FOXP1: variants seen among roughly 807,000 people sequenced by gnomAD.
The protein encoded by FOXP1 is forkhead box protein P1.
Under a neutral mutation model 98.2 loss-of-function variants are expected in FOXP1, and 15 were observed. The ratio of observed to expected loss-of-function variants is 0.15; its 90% confidence interval spans 0.10 to 0.24. The LOEUF (loss-of-function observed/expected upper bound fraction) is 0.24, where lower values mean the gene tolerates loss of function less well. FOXP1 is among the 10% of genes least tolerant of loss of function. The pLI is 1.00. For missense variants in FOXP1, 633 were observed against 848.5 expected (o/e 0.75, Z 3.15); for synonymous variants, 371 against 314.5 (o/e 1.18, Z -1.90).
At chr3:71,120,634 A>G (rs1239372138) in intron 6 of FOXP1, among the ~76,000 whole-genome samples, 1 of 152,210 alleles carries the variant, frequency 6.6e-6, no homozygotes, top group Non-Finnish European at 1.5e-5. Context: ...CTCTTTGGTC[A>G]TCATTGTCCT....
Position 70,966,940 on chromosome 3 carries a change from T to G in FOXP1, c.1723-884A>C, listed in dbSNP as rs545725839. 2.8e-4 allele frequency among the ~76,000 whole-genome samples: 43 copies of G among 152,342 alleles called. No individual in the cohort carries two copies. The South Asian group carries it at 8.7e-3, about 31-fold the overall frequency. On this transcript the variant is annotated intron_variant, in intron 19 of 20. Coordinates refer to ENST00000649528, the MANE Select transcript of FOXP1 (RefSeq NM_001349338.3). Reference sequence around the variant, plus strand: ...TGCAGACGCTAGTTACATATACCACTGGACTAAGTAAGGTACCCAAAAATT... The same window carrying G: ...TGCAGACGCTAGTTACATATACCACGGGACTAAGTAAGGTACCCAAAAATT...
chr3:71,192,205 A>G (rs1051152679), intron 6 of FOXP1, among the ~76,000 whole-genome samples: 4 of 152,208 alleles, frequency 2.6e-5, no homozygotes, highest in Admixed American at 1.3e-4. Flanking sequence ...AATTGAGGGC[A>G]TTTCTAACAA....
chr3:71,381,373 C>T (rs1448957574), intron 3 of FOXP1, among the ~76,000 whole-genome samples: 2 of 150,718 alleles, frequency 1.3e-5, no homozygotes, highest in Non-Finnish European at 3.0e-5. Context: ...CTCCTGACCT[C>T]GTGATCCGCC....
At chr3:71,442,889 T>TA (rs1291833555) in intron 3 of FOXP1, among the ~76,000 whole-genome samples, 1 of 152,124 alleles carries the variant, frequency 6.6e-6, no homozygotes, top group Non-Finnish European at 1.5e-5. Flanking sequence ...TTTTTTTATT[T>TA]TTTTTTTATT....
intron 2 of FOXP1, among the ~76,000 whole-genome samples, chr3:71,556,576 CAAAAAAAAAA>C (rs757217111): frequency 2.3e-4 from 7 of 29,818 alleles, no homozygotes; most frequent in Non-Finnish European, 3.7e-4. Context: ...GACTCCGTCT[CAAAAAAAAAA>C]AAAAAAAAAA....
intron 3 of FOXP1, among the ~76,000 whole-genome samples, chr3:71,445,689 CTTTT>C (rs112723777): frequency 1.8e-4 from 26 of 142,220 alleles, no homozygotes; most frequent in Non-Finnish European, 1.8e-4. Flanking sequence ...ATATTTATAC[CTTTT>C]TTTTTTTTTT....
chr3:71,378,196 C>T (rs1310430047), intron 3 of FOXP1, among the ~76,000 whole-genome samples: 1 of 17,492 alleles, frequency 5.7e-5, no homozygotes, highest in Non-Finnish European at 6.8e-4. Flanking sequence ...TTTTCTGGGT[C>T]GCTAGCTTCT....
chr3:71,307,997 C>T (rs908086682), intron 4 of FOXP1, among the ~76,000 whole-genome samples: 1 of 152,154 alleles, frequency 6.6e-6, no homozygotes, highest in East Asian at 1.9e-4. Context: ...GAAAGAGCGC[C>T]GGATTCGGGA....
chr3:71,551,747 A>G (rs1308712465), intron 2 of FOXP1, among the ~76,000 whole-genome samples: 1 of 152,230 alleles, frequency 6.6e-6, no homozygotes, highest in Non-Finnish European at 1.5e-5. Context: ...CTGTGATACA[A>G]CAAAACTGCC....
intron 2 of FOXP1, among the ~76,000 whole-genome samples, chr3:71,575,287 G>GAT (rs1426072757): frequency 6.6e-6 from 1 of 152,192 alleles, no homozygotes; most frequent in African/African-American, 2.4e-5. Flanking sequence ...TCCAAGTGAA[G>GAT]ATAGAGATTT....
chr3:71,561,826 TAGG>T (rs1164850411), intron 2 of FOXP1, among the ~76,000 whole-genome samples: 1 of 152,232 alleles, frequency 6.6e-6, no homozygotes, highest in Non-Finnish European at 1.5e-5. Context: ...TCCACTAACT[TAGG>T]AAATTCCAAA....
intron 2 of FOXP1, among the ~76,000 whole-genome samples, chr3:71,519,066 T>C (rs568393717): frequency 6.6e-6 from 1 of 152,258 alleles, no homozygotes; most frequent in South Asian, 2.1e-4. Context: ...GCCAACACGG[T>C]GAAACCCCAT....
At chr3:71,514,199 C>T (rs1298174203) in intron 2 of FOXP1, among the ~76,000 whole-genome samples, 2 of 152,206 alleles carry the variant, frequency 1.3e-5, no homozygotes, top group Non-Finnish European at 2.9e-5. Context: ...TTTGATTATG[C>T]ATGACTTGCC....
chr3:70,974,665 G>C (rs2037116653), intron 17 of FOXP1, among the ~76,000 whole-genome samples: 1 of 152,198 alleles, frequency 6.6e-6, no homozygotes, highest in African/African-American at 2.4e-5. Flanking sequence ...ACAAAATTGA[G>C]GTGGTATAAA....
At chr3:71,273,046 C>T (rs116568703) in intron 5 of FOXP1, among the ~76,000 whole-genome samples, 106 of 152,272 alleles carry the variant, frequency 7.0e-4, no homozygotes, top group African/African-American at 2.5e-3. Flanking sequence ...CTCGTGTGTG[C>T]GCATCCATCT....
At chr3:71,129,102 T>C (rs944063697) in intron 6 of FOXP1, among the ~76,000 whole-genome samples, 6 of 152,088 alleles carry the variant, frequency 3.9e-5, no homozygotes, top group African/African-American at 1.2e-4. Flanking sequence ...GCTGGGAAAT[T>C]TGATGGTCAT....
intron 17 of FOXP1, among the ~76,000 whole-genome samples, chr3:70,974,951 G>A (rs1457159245): frequency 6.6e-6 from 1 of 152,130 alleles, no homozygotes; most frequent in Admixed American, 6.5e-5. Context: ...AGAAAGCGAC[G>A]AGAAGTCAAG....
At chr3:71,239,742 C>G (rs193048328) in intron 5 of FOXP1, among the ~76,000 whole-genome samples, 60 of 152,314 alleles carry the variant, frequency 3.9e-4, no homozygotes, top group Non-Finnish European at 5.9e-4. Flanking sequence ...TTACACTTTG[C>G]TTTAAAACAG....
At chr3:71,090,099 T>A (rs570027187) in intron 7 of FOXP1, among the ~76,000 whole-genome samples, 7 of 152,338 alleles carry the variant, frequency 4.6e-5, no homozygotes, top group African/African-American at 1.4e-4. Context: ...TTAAATGTTG[T>A]GTGCATAAAC....
Sources: gnomAD v4.1 joint callset for allele counts (sites outside exome capture counted in the v4.1 genomes callset) on GRCh38, gnomAD v4.1.1 for gene constraint, MANE v1.5 for transcripts, NCBI Gene and HGNC (gene_info 2026-07-23, HGNC 2026-07-21) for gene names.